CDH17: variants seen among roughly 807,000 people sequenced by gnomAD.
CDH17 encodes the protein cadherin-17.
Under a neutral mutation model 86.3 loss-of-function variants are expected in CDH17, and 67 were observed. That is an observed-to-expected ratio of 0.78 (90% CI 0.64 to 0.95). CDH17 has a LOEUF of 0.95. CDH17 is among the 40% of genes least tolerant of loss of function. The pLI is 0.00. For synonymous variants in CDH17, 367 were observed against 366.4 expected (o/e 1.00, Z -0.02); for missense variants, 993 against 1,017.6 (o/e 0.98, Z 0.33).
At chr8:94,180,233 AGAT>A (rs1163260513) in intron 3 of CDH17, among the ~76,000 whole-genome samples, 1 of 152,062 alleles carries the variant, frequency 6.6e-6, no homozygotes, top group African/African-American at 2.4e-5. Flanking sequence ...AGATTAATAG[AGAT>A]TACTGAAAGA....
At chr8:94,187,574 GTAGCCAGAGTGACC>G (rs1203288082) in intron 3 of CDH17, among the ~76,000 whole-genome samples, 63 of 152,090 alleles carry the variant, frequency 4.1e-4, no homozygotes, top group Non-Finnish European at 2.4e-4. Flanking sequence ...CCTTTAGTTT[GTAGCCAGAGTGACC>G]TTTTCTCAAT....
chr8:94,145,597 A>G (rs888206630), intron 15 of CDH17, among the ~76,000 whole-genome samples: 1 of 152,194 alleles, frequency 6.6e-6, no homozygotes, highest in Non-Finnish European at 1.5e-5. Flanking sequence ...AAAATTGTAT[A>G]CTTTGAATAT....
intron 9 of CDH17, among the ~76,000 whole-genome samples, chr8:94,166,513 TG>T (rs1813160636): frequency 6.6e-6 from 1 of 152,206 alleles, no homozygotes; most frequent in Non-Finnish European, 1.5e-5. Flanking sequence ...AGGGGGAAGA[TG>T]TAGCCTAGAA....
upstream of CDH17, among the ~76,000 whole-genome samples, chr8:94,211,041 A>T (rs1312054812): frequency 1.3e-5 from 2 of 151,682 alleles, no homozygotes; most frequent in African/African-American, 4.8e-5. Flanking sequence ...AAAAAAAAGA[A>T]AACAAAACTG....
At chr8:94,186,747 A>G (rs73695146) in intron 3 of CDH17, among the ~76,000 whole-genome samples, 67 of 152,336 alleles carry the variant, frequency 4.4e-4, no homozygotes, top group African/African-American at 1.6e-3. Context: ...GCTCCCTTGC[A>G]GCTCATGCTC....
intron 1 of CDH17, among the ~76,000 whole-genome samples, chr8:94,197,917 T>C (rs1241790278): frequency 6.6e-6 from 1 of 151,948 alleles, no homozygotes; most frequent in East Asian, 1.9e-4. Flanking sequence ...GTTCTTCTCA[T>C]TTTGTAGGTG....
rs758336380 is a variant in CDH17, at chr8:94,151,944, T to C, written c.1720A>G (p.Lys574Glu). ...CCTATAGCTACATCCTCACTGACTT[T>C]CGCTTGGAATACGTGTTGGGAAAAT... is the stretch of plus-strand genomic sequence containing the variant. ...PQFSQHVFQA[K>E]VSEDVAIGTK... is the part of the protein sequence containing the mutation. The change falls in exon 13 of 18, where the codon AAA becomes GAA. Residue 574 changes from lysine to glutamate, a missense_variant. By Grantham distance (56) the Lys-to-Glu change is moderately conservative (BLOSUM62 1). Transcript: ENST00000027335. The C allele has an allele frequency of 6.8e-6, 11 of 1,614,090 alleles. No individual in the cohort carries two copies. Among genetic ancestry groups the C allele is most frequent in the Non-Finnish European group, 8.5e-6 (10 of 1,180,028 alleles).
At chr8:94,192,152 G>C (rs929041458) in intron 2 of CDH17, among the ~76,000 whole-genome samples, 109 of 152,178 alleles carry the variant, frequency 7.2e-4, no homozygotes, top group African/African-American at 2.4e-3. Context: ...TCAAAGTTGC[G>C]TGCTTGTATT....
intron 9 of CDH17, among the ~76,000 whole-genome samples, chr8:94,166,730 G>A (rs981121227): frequency 2.0e-5 from 3 of 152,164 alleles, no homozygotes; most frequent in Non-Finnish European, 4.4e-5. Flanking sequence ...TTCAGTGACA[G>A]GTGCCCCTAT....
At position 94,196,009 on chromosome 8, in the gene CDH17, G is replaced by A. The variant is rs192648160; in HGVS notation, c.-20-1304C>T. Among the ~76,000 whole-genome samples the A allele has an allele frequency of 4.1e-3, 616 of 151,856 alleles. 1 individual carries two copies. The highest frequency in any genetic ancestry group is 5.8e-3 in the Non-Finnish European group (397 of 67,892). Reference sequence around the variant, plus strand: ...TCTCCCGACCTCGTGATCTGCCTGCGTCGGCCTCCCAAAGTGCTGGGATTA... The same window carrying A: ...TCTCCCGACCTCGTGATCTGCCTGCATCGGCCTCCCAAAGTGCTGGGATTA... On this transcript the variant is annotated intron_variant, in intron 1 of 17. Coordinates refer to ENST00000027335, the MANE Select transcript of CDH17 (RefSeq NM_004063.4).
chr8:94,214,991 C>A (rs886440737), intron 1 of CDH17, among the ~76,000 whole-genome samples: 5 of 152,096 alleles, frequency 3.3e-5, no homozygotes, highest in Non-Finnish European at 7.4e-5. Context: ...GAGATAATAC[C>A]CAGTGTTGAA....
chr8:94,158,579 C>G (rs1812988945), intron 12 of CDH17, among the ~76,000 whole-genome samples: 1 of 152,206 alleles, frequency 6.6e-6, no homozygotes, highest in Admixed American at 6.5e-5. Context: ...CACCAACCCA[C>G]TGCAAGCTCT....
intron 5 of CDH17, among the ~76,000 whole-genome samples, chr8:94,174,720 G>A (rs550325343): frequency 6.6e-6 from 1 of 152,220 alleles, no homozygotes; most frequent in South Asian, 2.1e-4. Flanking sequence ...TCTGTGTGAG[G>A]CTAATTTTCC....
intron 3 of CDH17, among the ~76,000 whole-genome samples, chr8:94,187,996 A>G (rs1289027201): frequency 6.6e-6 from 1 of 152,148 alleles, no homozygotes; most frequent in Non-Finnish European, 1.5e-5. Flanking sequence ...TTAAGCTGGT[A>G]CCAATGAAAG....
intron 1 of CDH17, among the ~76,000 whole-genome samples, chr8:94,196,563 A>C (rs1218773408): frequency 6.6e-6 from 1 of 152,184 alleles, no homozygotes; most frequent in Admixed American, 6.5e-5. Context: ...AAAATTAGCC[A>C]GGTGGGTGAC....
chr8:94,171,026 G>T, intron 7 of CDH17, 41 bp from the exon 8 acceptor site: 1 of 1,577,252 alleles, frequency 6.3e-7, no homozygotes, highest in South Asian at 1.2e-5. Flanking sequence ...GCTGTATTTG[G>T]ACTGAGAGAA....
chr8:94,184,221 T>TTGTG (rs150547591), intron 3 of CDH17, among the ~76,000 whole-genome samples: 1 of 134,552 alleles, frequency 7.4e-6, no homozygotes, highest in African/African-American at 3.5e-5. Flanking sequence ...GTGTGTGTGT[T>TTGTG]TGTGTGTGTG....
At chr8:94,169,912 A>G (rs1202998090) in intron 9 of CDH17, among the ~76,000 whole-genome samples, 1 of 152,178 alleles carries the variant, frequency 6.6e-6, no homozygotes, top group Non-Finnish European at 1.5e-5. Context: ...GCTTCTTGGA[A>G]AGGGGGGCCC....
intron 12 of CDH17, among the ~76,000 whole-genome samples, chr8:94,159,198 G>A (rs901422825): frequency 6.6e-6 from 1 of 152,088 alleles, no homozygotes; most frequent in African/African-American, 2.4e-5. Context: ...TACATGGCAG[G>A]GGACAGGAGT....
Sources: gnomAD v4.1 joint callset for allele counts (sites outside exome capture counted in the v4.1 genomes callset) on GRCh38, gnomAD v4.1.1 for gene constraint, MANE v1.5 for transcripts, NCBI Gene and HGNC (gene_info 2026-07-23, HGNC 2026-07-21) for gene names.